PALS1: variants seen among roughly 807,000 people sequenced by gnomAD.
The protein encoded by PALS1 is protein PALS1.
Under a neutral mutation model 78.9 loss-of-function variants are expected in PALS1, and 31 were observed. The ratio of observed to expected loss-of-function variants is 0.39; its 90% CI spans 0.30 to 0.53. PALS1 has a LOEUF of 0.53. Among genes scored for constraint, PALS1 ranks in the 20% least tolerant of loss-of-function variants. The pLI, the probability that PALS1 is intolerant of heterozygous loss-of-function variation, is 0.67. For missense variants in PALS1, 704 were observed against 826.5 expected (o/e 0.85, Z 1.82); for synonymous variants, 276 against 270.9 (o/e 1.02, Z -0.18).
chr14:67,318,136 T>C (rs1445823394), intron 11 of PALS1, among the ~76,000 whole-genome samples: 1 of 152,212 alleles, frequency 6.6e-6, no homozygotes, highest in East Asian at 1.9e-4. Flanking sequence ...CTACTTCTGT[T>C]TGGTTCACAT....
chr14:67,316,710 A>G (rs1467944181), intron 9 of PALS1, 122 bp from the exon 10 acceptor site: 4 of 694,488 alleles, frequency 5.8e-6, no homozygotes, highest in Non-Finnish European at 9.1e-6. Flanking sequence ...GTGTTGGCAA[A>G]AGGATTTGGA....
rs2084189987 is a variant in PALS1 at position 67,259,068 on chromosome 14, C to T, written c.-236-10633C>T. 2.6e-5 allele frequency among the ~76,000 whole-genome samples: 4 copies of T among 151,700 alleles called. No individual in the cohort carries two copies. The South Asian group carries it at 8.3e-4, about 32-fold the overall frequency. ...ATGTTGGTCAGGCTGGTCTCGAACT[C>T]GTGGCCTCAAGTGATCCGCCTGCCT... On this transcript the variant is annotated intron_variant, in intron 1 of 14. Transcript: ENST00000261681.
chr14:67,307,882 C>G (rs1463164520), intron 8 of PALS1, among the ~76,000 whole-genome samples: 2 of 151,932 alleles, frequency 1.3e-5, no homozygotes, highest in African/African-American at 4.8e-5. Flanking sequence ...ATATATACAC[C>G]ATGGAATACG....
Position 67,301,978 on chromosome 14 carries a change from T to C in PALS1, c.661T>C (p.Leu221=). ...ATGGATTTCTTTGAAACAGGCACTT[T>C]TACTGGCCCACGATAAGGTTGCTGA... ...LLNTPHIQAL[L]LAHDKVAEQE... is the part of the protein sequence containing the mutation. Residue 221 remains leucine (L), a synonymous_variant, in exon 6 of 15, where the codon TTA becomes CTA. Coordinates refer to ENST00000261681, the MANE Select transcript of PALS1 (RefSeq NM_022474.4). 6.3e-7 allele frequency: 1 copy of C among 1,584,410 alleles called. No homozygotes were observed. Among genetic ancestry groups the C allele is most frequent in the Non-Finnish European group, 8.5e-7 (1 of 1,169,814 alleles).
chr14:67,251,744 TAG>T (rs1041711409), intron 1 of PALS1, among the ~76,000 whole-genome samples: 5 of 152,216 alleles, frequency 3.3e-5, no homozygotes, highest in South Asian at 2.1e-4. Context: ...TTCTTAAGCA[TAG>T]AGAGTCTTTT....
intron 2 of PALS1, among the ~76,000 whole-genome samples, chr14:67,277,096 T>G (rs1358682853): frequency 6.6e-6 from 1 of 152,210 alleles, no homozygotes; most frequent in Non-Finnish European, 1.5e-5. Context: ...ATTTTTCTGC[T>G]TACTTGTAAT....
At chr14:67,307,119 G>T (rs903881831) in intron 8 of PALS1, among the ~76,000 whole-genome samples, 1 of 152,160 alleles carries the variant, frequency 6.6e-6, no homozygotes, top group Non-Finnish European at 1.5e-5. Context: ...GCAATCAGTG[G>T]CTGCTCTTTC....
chr14:67,297,448 CAAATTT>C (rs1283842876), intron 4 of PALS1, among the ~76,000 whole-genome samples: 3 of 152,032 alleles, frequency 2.0e-5, no homozygotes, highest in African/African-American at 4.8e-5. Flanking sequence ...TTGTGTTTCT[CAAATTT>C]AACAGGAAAA....
chr14:67,332,351 A>G (rs1489054884), intron 14 of PALS1, among the ~76,000 whole-genome samples: 1 of 152,240 alleles, frequency 6.6e-6, no homozygotes. Context: ...GCTCTTTACT[A>G]GAGCCAAAAG....
At chr14:67,296,881 T>C (rs1050851573) in intron 4 of PALS1, among the ~76,000 whole-genome samples, 2 of 152,080 alleles carry the variant, frequency 1.3e-5, no homozygotes, top group Non-Finnish European at 2.9e-5. Context: ...ACTCAAACTC[T>C]TGGGCTCAAA....
chr14:67,296,585 CAAAAAAA>C (rs374329692), intron 4 of PALS1, among the ~76,000 whole-genome samples: 4 of 51,022 alleles, frequency 7.8e-5, no homozygotes, highest in Non-Finnish European at 2.6e-4. Context: ...AACTCTGTCT[CAAAAAAA>C]AAAAAAAAAA....
chr14:67,248,532 A>G (rs2084019244), intron 1 of PALS1, among the ~76,000 whole-genome samples: 1 of 152,200 alleles, frequency 6.6e-6, no homozygotes, highest in South Asian at 2.1e-4. Flanking sequence ...TCTGTCTCAT[A>G]TAATTTTATA....
rs1031730999 is a variant in PALS1, at chr14:67,259,664, G to T, written c.-236-10037G>T. ...GCTGGCTTATGCCTGTAATCCCAGC[G>T]CCCTGAGAGGCTGAGGCAGGAGGAT... On this transcript the variant is annotated intron_variant, in intron 1 of 14. Coordinates refer to ENST00000261681, the MANE Select transcript of PALS1 (RefSeq NM_022474.4). 4.6e-5 allele frequency among the ~76,000 whole-genome samples: 7 copies of T among 151,696 alleles called. 1 individual carries two copies. In the South Asian group the frequency reaches 1.5e-3, roughly 32 times the overall value.
chr14:67,329,530 G>A (rs1344608484), intron 14 of PALS1, among the ~76,000 whole-genome samples: 1 of 152,220 alleles, frequency 6.6e-6, no homozygotes, highest in Non-Finnish European at 1.5e-5. Context: ...TAGGAGTGGT[G>A]AGAGAGGGCA....
intron 1 of PALS1, among the ~76,000 whole-genome samples, chr14:67,242,279 A>G (rs953539997): frequency 1.3e-5 from 2 of 152,352 alleles, no homozygotes; most frequent in Admixed American, 6.5e-5. Flanking sequence ...AGTTTATGCT[A>G]AAATTAAAAT....
At chr14:67,298,898 G>A (rs187316141) in intron 4 of PALS1, among the ~76,000 whole-genome samples, 2 of 152,210 alleles carry the variant, frequency 1.3e-5, no homozygotes, top group Admixed American at 6.5e-5. Context: ...TGTCATTTGT[G>A]GACATTTCAT....
At position 67,333,031 on chromosome 14, in the gene PALS1, A is replaced by G; in HGVS notation, c.*75A>G. 1 of 1,298,782 alleles carries G rather than the reference A, an allele frequency of 7.7e-7. No homozygotes were observed. The highest frequency in any genetic ancestry group is 1.1e-6 in the Non-Finnish European group (1 of 924,916). 80.5% of individuals were successfully genotyped at this position (1,298,782 alleles called of 1,614,324 possible). A position where few individuals can be genotyped will look rare whatever the true frequency, so the allele number is the denominator to read the frequency against. ...CAATAGGAGGACTGCCCGACACTGC[A>G]GCAAGATTGAGGATAAGATGGAAGG... On this transcript the variant is annotated 3_prime_UTR_variant, in exon 15 of 15. Coordinates refer to ENST00000261681, the MANE Select transcript of PALS1 (RefSeq NM_022474.4).
chr14:67,277,275 G>T (rs1401504768), intron 2 of PALS1, among the ~76,000 whole-genome samples: 1 of 129,522 alleles, frequency 7.7e-6, no homozygotes, highest in African/African-American at 2.9e-5. Context: ...GTCAAAATTT[G>T]GATGAAAGAC....
At chr14:67,303,480 A>G in intron 7 of PALS1, 42 bp from the exon 8 acceptor site, 2 of 1,470,072 alleles carry the variant, frequency 1.4e-6, no homozygotes, top group Non-Finnish European at 9.5e-7. Context: ...AATGATTTTC[A>G]TAAATGCAAA....
Sources: allele counts gnomAD v4.1 joint callset (sites outside exome capture counted in the v4.1 genomes callset), GRCh38; gene constraint gnomAD v4.1.1; transcripts MANE v1.5; gene names NCBI Gene and HGNC (gene_info 2026-07-23, HGNC 2026-07-21).